Variants in WNK1 observed in about 807,000 individuals in gnomAD.
WNK1 encodes the protein WNK lysine deficient protein kinase 1.
Under a neutral mutation model 222.8 loss-of-function variants are expected in WNK1, and 38 were observed. The observed-to-expected ratio is 0.17, with a 90% CI of 0.13 to 0.22. WNK1 has a LOEUF of 0.22. Among genes scored for constraint, WNK1 ranks in the 10% least tolerant of loss-of-function variants. The pLI is 1.00. For synonymous variants in WNK1, 1,090 were observed against 1,092.9 expected (o/e 1.00, Z 0.05); for missense variants, 2,348 against 2,918.4 (o/e 0.80, Z 4.50).
intron 8 of WNK1, among the ~76,000 whole-genome samples, chr12:864,110 G>GTTTTTTTTTTTTTTTTTTTT (rs372936466): frequency 1.7e-4 from 21 of 124,576 alleles, no homozygotes; most frequent in African/African-American, 5.4e-4. Flanking sequence ...ATTTTTTTAA[G>GTTTTTTTTTTTTTTTTTTTT]TTTTTTTTTT....
At position 896,052 on chromosome 12, in the gene WNK1, C is replaced by A. The variant is rs148788817; in HGVS notation, c.5584-19C>A. 1 of 1,614,028 alleles carries A rather than the reference C, an allele frequency of 6.2e-7. No individual in the cohort carries two copies. The highest frequency in any genetic ancestry group is 1.3e-5 in the African/African-American group (1 of 75,006). ...GATATTGAGAACTTAAGTTTTTAAT[C>A]TTTGTCCTTTTTTATCAGGTTTCTG... On this transcript the variant is annotated intron_variant, in intron 23 of 27. Coordinates refer to ENST00000315939, the MANE Select transcript of WNK1 (RefSeq NM_018979.4).
intron 8 of WNK1, among the ~76,000 whole-genome samples, chr12:866,481 G>A (rs61919872): frequency 0.12 from 18,369 of 152,048 alleles, 1,347 homozygotes; most frequent in Middle Eastern, 0.19. Flanking sequence ...TCCTGCCTCA[G>A]CCTCCCGAGT....
chr12:838,598 T>C (rs534934629), intron 4 of WNK1, among the ~76,000 whole-genome samples: 81 of 151,872 alleles, frequency 5.3e-4, no homozygotes, highest in African/African-American at 1.9e-3. Flanking sequence ...GTATTTTTTG[T>C]AGAGACGAGG....
chr12:878,526 A>G (rs181066890), intron 10 of WNK1, among the ~76,000 whole-genome samples, 165 bp downstream of exon 10: 1 of 152,182 alleles, frequency 6.6e-6, no homozygotes, highest in African/African-American at 2.4e-5. Context: ...AATGAAGTGA[A>G]GATCACCTCA....
chr12:838,383 C>T (rs1041911727), intron 4 of WNK1, among the ~76,000 whole-genome samples: 1 of 151,922 alleles, frequency 6.6e-6, no homozygotes, highest in Non-Finnish European at 1.5e-5. Flanking sequence ...GAATTGTGAT[C>T]TCTTCATATT....
intron 1 of WNK1, among the ~76,000 whole-genome samples, chr12:756,549 G>A (rs572391006): frequency 6.6e-6 from 1 of 152,134 alleles, no homozygotes. Flanking sequence ...GTGGTACCTG[G>A]TTTAGAAACT....
Position 753,701 on chromosome 12 carries a change from G to T in WNK1, c.136G>T (p.Ala46Ser). ...GAAACTGGGAGCCGCGGCCGCCGAC[G>T]CTGTGACCGGCAGGACCGAGGAGTA... ...GEKLGAAAAD[A>S]VTGRTEEYRR... The change falls in exon 1 of 28, where the codon GCT becomes TCT. Residue 46 changes from alanine to serine, a missense_variant. By Grantham distance (99) the Ala-to-Ser change is moderately conservative. This residue lies in a region of WNK1 where 108 missense variants were observed against 109.7 expected (regional missense o/e 0.98). Transcript: ENST00000315939. The surrounding 1 kb of genome is among the most constrained non-coding windows in gnomAD (Gnocchi z 5.2). 1 of 1,612,212 alleles carries T rather than the reference G, an allele frequency of 6.2e-7. No individual in the cohort carries two copies. Among genetic ancestry groups the T allele is most frequent in the Non-Finnish European group, 8.5e-7 (1 of 1,179,822 alleles).
At chr12:851,779 T>C (rs1188075560) in intron 4 of WNK1, 1 of 1,343,780 alleles carries the variant, frequency 7.4e-7, no homozygotes, top group Non-Finnish European at 9.8e-7. Context: ...ATTGTATAAA[T>C]GAGGTAGGTA....
rs1300622970 is a variant in WNK1, at chr12:862,207, G to T, written c.2076G>T (p.Gly692=). 6.2e-7 allele frequency: 1 copy of T among 1,614,056 alleles called. No individual in the cohort carries two copies. Among genetic ancestry groups the T allele is most frequent in the East Asian group, 2.2e-5 (1 of 44,878 alleles). Residue 692 remains glycine (G), a synonymous_variant, in exon 8 of 28, where the codon GGG becomes GGT. Transcript: ENST00000315939. ...EQAHSTGTVP[G]HIPSTVQAQS... ...CACATTCTACAGGCACAGTCCCAGG[G>T]CATATACCTTCTACTGTCCAAGCAC...
In WNK1 at chr12:754,267, G is replaced by A. The variant is rs766280511; in HGVS notation, c.702G>A (p.Thr234=). The A allele has an allele frequency of 5.6e-6, 9 of 1,613,568 alleles. No individual in the cohort carries two copies. Among genetic ancestry groups the A allele is most frequent in the African/African-American group, 4.0e-5 (3 of 75,046 alleles). ...AAATCGGCAGAGGCTCCTTTAAGAC[G>A]GTCTACAAAGGTCTGGACACTGAAA... ...DIEIGRGSFK[T]VYKGLDTETT... The change falls in exon 1 of 28, where the codon ACG becomes ACA. Residue 234 remains threonine (T), a synonymous_variant. Coordinates refer to ENST00000315939, the MANE Select transcript of WNK1 (RefSeq NM_018979.4).
intron 4 of WNK1, among the ~76,000 whole-genome samples, chr12:843,067 C>T (rs911854559): frequency 6.6e-6 from 1 of 152,166 alleles, no homozygotes; most frequent in Non-Finnish European, 1.5e-5. Flanking sequence ...TCCCAGGTAG[C>T]TGGGATTACA....
chr12:880,230 C>T (rs1037631891), intron 11 of WNK1, among the ~76,000 whole-genome samples, 199 bp downstream of exon 11: 1 of 152,160 alleles, frequency 6.6e-6, no homozygotes, highest in Non-Finnish European at 1.5e-5. Flanking sequence ...GACACTTCTT[C>T]AGAGAAAAAT....
At chr12:861,933 C>G in intron 7 of WNK1, 150 bp from the exon 8 acceptor site, 1 of 876,642 alleles carries the variant, frequency 1.1e-6, no homozygotes, top group South Asian at 1.5e-5. Flanking sequence ...CTGAATATGG[C>G]TACAATTCAT....
At chr12:764,271 G>T (rs546292392) in intron 1 of WNK1, among the ~76,000 whole-genome samples, 1 of 147,640 alleles carries the variant, frequency 6.8e-6, no homozygotes, top group African/African-American at 2.4e-5. Context: ...AGTAGTAATT[G>T]TGGAGAATGA....
intron 9 of WNK1, among the ~76,000 whole-genome samples, chr12:873,304 A>G (rs1029487991): frequency 2.0e-5 from 3 of 152,246 alleles, no homozygotes; most frequent in Non-Finnish European, 4.4e-5. Flanking sequence ...ATGTTAAGAA[A>G]GAGTGTGAGA....
intron 1 of WNK1, among the ~76,000 whole-genome samples, chr12:770,381 A>G (rs755879991): frequency 6.6e-6 from 1 of 152,230 alleles, no homozygotes; most frequent in Non-Finnish European, 1.5e-5. Context: ...TTGAAAATTT[A>G]GTATGAAAAA....
At chr12:895,568 C>T (rs1954667010) in intron 23 of WNK1, among the ~76,000 whole-genome samples, 1 of 152,156 alleles carries the variant, frequency 6.6e-6, no homozygotes, top group Non-Finnish European at 1.5e-5. Context: ...AAGTGATTCT[C>T]CTGCCTCAGC....
chr12:825,322 G>A (rs1294145212), intron 2 of WNK1, among the ~76,000 whole-genome samples: 2 of 152,114 alleles, frequency 1.3e-5, no homozygotes, highest in Non-Finnish European at 2.9e-5. Context: ...TCTGCTATTT[G>A]ATTTTTAGTT....
chr12:851,272 G>A, intron 4 of WNK1: 1 of 680,092 alleles, frequency 1.5e-6, no homozygotes, highest in African/African-American at 1.9e-5. Flanking sequence ...CAAAATGATT[G>A]GAGGAAGGGA....
Sources: allele counts gnomAD v4.1 joint callset (sites outside exome capture counted in the v4.1 genomes callset), GRCh38; gene constraint gnomAD v4.1.1; regional missense constraint gnomAD v4.1.1; non-coding constraint Gnocchi (gnomAD v3.1); transcripts MANE v1.5; gene names NCBI Gene and HGNC (gene_info 2026-07-23, HGNC 2026-07-21).